UBE2E2: variants seen among roughly 807,000 people sequenced by gnomAD.
UBE2E2 encodes ubiquitin-conjugating enzyme E2 E2.
Under a neutral mutation model 24.7 loss-of-function variants are expected in UBE2E2, and 6 were observed. The observed-to-expected ratio is 0.24, with a 90% CI of 0.13 to 0.48. The LOEUF (loss-of-function observed/expected upper bound fraction) is 0.48, where lower values mean the gene tolerates loss of function less well. UBE2E2 is among the 20% of genes least tolerant of loss of function. The pLI is 0.99. For missense variants in UBE2E2, 169 were observed against 245.0 expected, an observed-to-expected ratio of 0.69 and a Z score of 2.07; for synonymous variants, 104 against 83.6, an observed-to-expected ratio of 1.24 and a Z score of -1.33.
intron 3 of UBE2E2, among the ~76,000 whole-genome samples, chr3:23,435,897 C>T (rs778715642): frequency 1.8e-4 from 27 of 152,104 alleles, no homozygotes; most frequent in Non-Finnish European, 3.1e-4. Context: ...AGTTATTCCA[C>T]GGCAGGGGCG....
At chr3:23,285,212 ATTC>A (rs1431835090) in intron 3 of UBE2E2, among the ~76,000 whole-genome samples, 3 of 152,110 alleles carry the variant, frequency 2.0e-5, no homozygotes, top group Non-Finnish European at 4.4e-5. Context: ...ACTGGATCCC[ATTC>A]TTCTTTTATG....
chr3:23,563,606 C>T (rs1385990116), intron 5 of UBE2E2, among the ~76,000 whole-genome samples: 1 of 151,976 alleles, frequency 6.6e-6, no homozygotes, highest in Non-Finnish European at 1.5e-5. Flanking sequence ...CTCAGCAAGT[C>T]ATGTTATTTT....
At chr3:23,567,855 C>G (rs1324267941) in intron 5 of UBE2E2, among the ~76,000 whole-genome samples, 1 of 152,200 alleles carries the variant, frequency 6.6e-6, no homozygotes. Flanking sequence ...TGATATAAAA[C>G]TGAAAGAGAC....
intron 3 of UBE2E2, among the ~76,000 whole-genome samples, chr3:23,448,648 G>T (rs1692620): frequency 6.6e-6 from 1 of 151,984 alleles, no homozygotes; most frequent in African/African-American, 2.4e-5. Flanking sequence ...GTGATAATTT[G>T]TAATTCAAAT....
intron 3 of UBE2E2, among the ~76,000 whole-genome samples, chr3:23,344,533 C>T (rs985832062): frequency 6.6e-6 from 1 of 151,560 alleles, no homozygotes; most frequent in African/African-American, 2.4e-5. Context: ...CTCCGAGTTG[C>T]GTCCCTAAAG....
At chr3:23,285,961 T>A (rs1698606534) in intron 3 of UBE2E2, among the ~76,000 whole-genome samples, 1 of 152,226 alleles carries the variant, frequency 6.6e-6, no homozygotes, top group Admixed American at 6.5e-5. Flanking sequence ...CCTCCCAAAG[T>A]GCTGGGATTA....
chr3:23,293,467 GT>G (rs1419643939), intron 3 of UBE2E2, among the ~76,000 whole-genome samples: 1 of 152,180 alleles, frequency 6.6e-6, no homozygotes, highest in Non-Finnish European at 1.5e-5. Context: ...GTAAATAGTT[GT>G]TTAATGTGTG....
At chr3:23,214,462 G>A (rs1227128169) in intron 2 of UBE2E2, among the ~76,000 whole-genome samples, 2 of 151,774 alleles carry the variant, frequency 1.3e-5, no homozygotes, top group African/African-American at 4.8e-5. Context: ...TGTTGTGCAG[G>A]TTGGTCTCGA....
chr3:23,212,167 T>C (rs1213678635), intron 2 of UBE2E2, among the ~76,000 whole-genome samples: 1 of 152,126 alleles, frequency 6.6e-6, no homozygotes, highest in African/African-American at 2.4e-5. Context: ...AGAATAGTGG[T>C]ATATAATACA....
intron 3 of UBE2E2, among the ~76,000 whole-genome samples, chr3:23,218,143 A>G (rs1201953088): frequency 2.0e-5 from 3 of 152,110 alleles, no homozygotes; most frequent in African/African-American, 7.2e-5. Context: ...CGTTGAACGC[A>G]GGTAGAATTT....
intron 4 of UBE2E2, among the ~76,000 whole-genome samples, chr3:23,522,193 C>T (rs1198591717): frequency 2.1e-5 from 3 of 144,420 alleles, no homozygotes; most frequent in African/African-American, 5.3e-5. Flanking sequence ...TGCAGTGGCA[C>T]GATCTCAGCT....
In UBE2E2 at chr3:23,507,387, A is replaced by T. The variant is rs186569871; in HGVS notation, c.360+7647A>T. 2.0e-5 allele frequency among the ~76,000 whole-genome samples: 3 copies of T among 152,336 alleles called. 1 individual carries two copies. The highest frequency in any genetic ancestry group is 7.2e-5 in the African/African-American group (3 of 41,584). ...GTTTCCCTTTCCCCAATTAGCATGT[A>T]AGCTCAATGAACACAGAAACTTTGT... On this transcript the variant is annotated intron_variant, in intron 4 of 5. Transcript: ENST00000396703.
intron 3 of UBE2E2, among the ~76,000 whole-genome samples, chr3:23,259,241 G>A (rs1697832029): frequency 6.6e-6 from 1 of 152,072 alleles, no homozygotes; most frequent in African/African-American, 2.4e-5. Flanking sequence ...GTGCGTTTGT[G>A]CACATGCATG....
chr3:23,538,444 A>G (rs1695315208), intron 5 of UBE2E2, among the ~76,000 whole-genome samples: 1 of 152,212 alleles, frequency 6.6e-6, no homozygotes. Context: ...CTGTTGTTTA[A>G]GTAAATATTA....
At chr3:23,223,586 A>G (rs1188619413) in intron 3 of UBE2E2, among the ~76,000 whole-genome samples, 2 of 152,138 alleles carry the variant, frequency 1.3e-5, no homozygotes, top group African/African-American at 4.8e-5. Flanking sequence ...GTCCCTTGTC[A>G]GATAGATAGT....
intron 3 of UBE2E2, among the ~76,000 whole-genome samples, chr3:23,281,401 A>T (rs546115483): frequency 6.6e-6 from 1 of 152,304 alleles, no homozygotes; most frequent in South Asian, 2.1e-4. Flanking sequence ...AGAGGCTGAG[A>T]CGAAGGATTG....
At chr3:23,226,269 G>A (rs1374791507) in intron 3 of UBE2E2, among the ~76,000 whole-genome samples, 2 of 151,540 alleles carry the variant, frequency 1.3e-5, no homozygotes, top group South Asian at 4.1e-4. Flanking sequence ...GAATAGGAAG[G>A]TATTGAGACA....
chr3:23,501,112 A>G (rs562443954), intron 4 of UBE2E2, among the ~76,000 whole-genome samples: 1 of 152,096 alleles, frequency 6.6e-6, no homozygotes, highest in African/African-American at 2.4e-5. Context: ...CTGTTGTACT[A>G]TGAGGGATGT....
chr3:23,204,471 A>T (rs1696091441), intron 1 of UBE2E2, among the ~76,000 whole-genome samples: 1 of 152,144 alleles, frequency 6.6e-6, no homozygotes, highest in Non-Finnish European at 1.5e-5. Flanking sequence ...CGCGGTTCTA[A>T]AGGATTTTAC....
Sources: gnomAD v4.1 joint callset for allele counts (sites outside exome capture counted in the v4.1 genomes callset) on GRCh38, gnomAD v4.1.1 for gene constraint, MANE v1.5 for transcripts, NCBI Gene and HGNC (gene_info 2026-07-23, HGNC 2026-07-21) for gene names.